The following STK32C variants were observed in gnomAD, a reference collection of about 807,000 sequenced individuals.
STK32C encodes the protein serine/threonine kinase 32C.
A neutral mutation model predicts 56.5 loss-of-function variants in STK32C; 31 were observed. That is an observed-to-expected ratio of 0.55 (90% CI 0.41 to 0.74). The LOEUF is 0.74. STK32C is among the 30% of genes least tolerant of loss of function. The probability of loss-of-function intolerance (pLI) is 0.00; values close to 1 mark genes in which losing one functional copy is unlikely to be tolerated. For missense variants in STK32C, 544 were observed against 676.9 expected (o/e 0.80, Z 2.18); for synonymous variants, 309 against 289.4 (o/e 1.07, Z -0.69).
intron 1 of STK32C, among the ~76,000 whole-genome samples, chr10:132,250,823 G>A (rs1275684391): frequency 6.6e-6 from 1 of 152,228 alleles, no homozygotes. Context: ...CTGGTCCCCA[G>A]AGAGGAGGAA....
intron 1 of STK32C, among the ~76,000 whole-genome samples, chr10:132,261,486 C>T (rs1002108858): frequency 5.9e-5 from 9 of 152,130 alleles, no homozygotes; most frequent in African/African-American, 2.2e-4. Context: ...AATCAGGGGC[C>T]GGGCACGGTG....
chr10:132,281,103 A>C (rs2065189130), intron 1 of STK32C, among the ~76,000 whole-genome samples: 1 of 150,440 alleles, frequency 6.6e-6, no homozygotes, highest in Admixed American at 6.6e-5. Flanking sequence ...ACTGCACTCC[A>C]TGATCATGCC....
intron 2 of STK32C, among the ~76,000 whole-genome samples, chr10:132,243,502 A>G (rs557230951): frequency 7.0e-4 from 107 of 152,312 alleles, no homozygotes; most frequent in African/African-American, 2.6e-3. Context: ...CTCCAAGTCT[A>G]GATTCCTCCC....
intron 2 of STK32C, among the ~76,000 whole-genome samples, chr10:132,239,716 A>G (rs1367704705): frequency 6.6e-6 from 1 of 152,218 alleles, no homozygotes; most frequent in African/African-American, 2.4e-5. Context: ...GCTGCTGGAC[A>G]TCGTCAACTT....
intron 2 of STK32C, among the ~76,000 whole-genome samples, chr10:132,243,753 G>A (rs2063588205): frequency 6.6e-6 from 1 of 152,208 alleles, no homozygotes; most frequent in Non-Finnish European, 1.5e-5. Context: ...CCTGGTGGTA[G>A]AGCAGCTGCA....
rs532276466 is a variant in STK32C, at chr10:132,330,548, C to T, written c.301+888G>A. 14 of 715,334 alleles carry T rather than the reference C, an allele frequency of 2.0e-5. No individual in the cohort carries two copies. The Admixed American group carries it at 2.4e-4, about 12-fold the overall frequency. The allele number at this position is 715,334 out of a possible 1,614,324, so 44.3% of individuals were successfully genotyped here. On this transcript the variant is annotated intron_variant, in intron 1 of 1. Coordinates refer to the STK32C transcript ENST00000368619. ...TTTTTGAGACAGGGTCTCGCTGTCA[C>T]CGAAGCTGACATTAAGTGGCACAAT...
rs750816953 is a variant in STK32C, at chr10:132,228,217, C to T, written c.319-89G>A. Reference sequence around the variant, plus strand: ...GGAAATGCATGGGGATGCCTGGGGACGCATCGTCAGGACACAAGGGGACAC... The same window carrying T: ...GGAAATGCATGGGGATGCCTGGGGATGCATCGTCAGGACACAAGGGGACAC... On this transcript the variant is annotated intron_variant, in intron 2 of 11. Transcript: ENST00000298630. 3.8e-5 allele frequency: 60 copies of T among 1,578,458 alleles called. 2 individuals are homozygous for T. The highest frequency in any genetic ancestry group is 2.2e-4 in the South Asian group (20 of 90,108).
At chr10:132,293,935 G>A (rs1021390375) in intron 1 of STK32C, among the ~76,000 whole-genome samples, 5 of 152,124 alleles carry the variant, frequency 3.3e-5, no homozygotes, top group African/African-American at 9.7e-5. Context: ...TCACAGGCAC[G>A]AGGGAAGGGG....
At chr10:132,285,066 G>A (rs112508126) in intron 1 of STK32C, among the ~76,000 whole-genome samples, 7 of 123,544 alleles carry the variant, frequency 5.7e-5, no homozygotes, top group Admixed American at 8.2e-5. Flanking sequence ...ACATTCCCAC[G>A]TCTGCCCAAA....
In STK32C at chr10:132,220,539, A is replaced by C. The variant is rs76178517; in HGVS notation, c.1251+2102T>G. ...GTCCTCACATAGCAGAGGATCAAAG[A>C]CTCAAAAGAGGACTAAAGTCACCCT... On this transcript the variant is annotated intron_variant, in intron 10 of 11. Transcript: ENST00000298630. Among the ~76,000 whole-genome samples, 7 of 152,350 alleles carry C rather than the reference A, an allele frequency of 4.6e-5. No individual in the cohort carries two copies. The East Asian group carries it at 1.2e-3, about 25-fold the overall frequency.
In STK32C at chr10:132,254,646, GCGCCGGGAA is replaced by G; in HGVS notation, c.263-8700_263-8692del. ...GAGAGTAAAATAAGCCTGCCGCAGGGCGCCGGGAATCAGCACTATGTCACCCCGGCACAA... is the reference window on the plus strand; with the variant it reads ...GAGAGTAAAATAAGCCTGCCGCAGGGTCAGCACTATGTCACCCCGGCACAA... On this transcript the variant is annotated intron_variant, in intron 1 of 11. Coordinates refer to ENST00000298630, the MANE Select transcript of STK32C (RefSeq NM_173575.4). Among the ~76,000 whole-genome samples the G allele has an allele frequency of 4.1e-5, 2 of 48,868 alleles. 1 individual carries two copies. The highest frequency in any genetic ancestry group is 3.4e-4 in the African/African-American group (2 of 5,800). The allele number at this position is 48,868 out of a possible 152,430, so 32.1% of individuals were successfully genotyped here. A position where few individuals can be genotyped will look rare whatever the true frequency, so the allele number is the denominator to read the frequency against.
intron 1 of STK32C, among the ~76,000 whole-genome samples, chr10:132,326,114 C>CG (rs1454409059): frequency 6.6e-6 from 1 of 152,132 alleles, no homozygotes; most frequent in African/African-American, 2.4e-5. Flanking sequence ...TCTTCAGGAT[C>CG]GGGGAGGCCT....
chr10:132,310,881 A>G (rs1353216912), upstream of STK32C, among the ~76,000 whole-genome samples: 1 of 152,148 alleles, frequency 6.6e-6, no homozygotes, highest in Non-Finnish European at 1.5e-5. This position sits in a 1 kb window ranked among gnomAD's most constrained non-coding sequence, Gnocchi z 4.6. Context: ...ATGAACGAGT[A>G]GCCCAAGGGA....
At chr10:132,275,992 A>G (rs1323240408) in intron 1 of STK32C, among the ~76,000 whole-genome samples, 1 of 152,096 alleles carries the variant, frequency 6.6e-6, no homozygotes, top group Non-Finnish European at 1.5e-5. Context: ...GAACGGTCAC[A>G]GTGAAGGCCC....
intron 8 of STK32C, among the ~76,000 whole-genome samples, chr10:132,223,486 C>T (rs773835437): frequency 1.3e-5 from 2 of 152,242 alleles, no homozygotes; most frequent in Non-Finnish European, 2.9e-5. Flanking sequence ...ACCCAGACCC[C>T]GTGCGAGGTT....
intron 1 of STK32C, among the ~76,000 whole-genome samples, chr10:132,326,243 T>A (rs1166069854): frequency 6.6e-6 from 1 of 152,220 alleles, no homozygotes; most frequent in African/African-American, 2.4e-5. Context: ...GGGGTAATTA[T>A]CTTGATTTCC....
At chr10:132,325,659 A>C (rs1411744291) in intron 1 of STK32C, among the ~76,000 whole-genome samples, 1 of 151,664 alleles carries the variant, frequency 6.6e-6, no homozygotes, top group African/African-American at 2.4e-5. Flanking sequence ...AGGCTTCCCC[A>C]GCCAGGTGGA....
chr10:132,209,968 G>C (rs1027776649), intron 10 of STK32C, among the ~76,000 whole-genome samples: 1 of 152,230 alleles, frequency 6.6e-6, no homozygotes, highest in Admixed American at 6.5e-5. Flanking sequence ...GGCCCTGGGA[G>C]GGAGGGAGCT....
In STK32C at chr10:132,222,197, G is replaced by A. The variant is rs1456650707; in HGVS notation, c.1251+444C>T. Among the ~76,000 whole-genome samples, 6 of 148,870 alleles carry A rather than the reference G, an allele frequency of 4.0e-5. No individual in the cohort carries two copies. In the East Asian group the frequency reaches 1.2e-3, roughly 30 times the overall value. On this transcript the variant is annotated intron_variant, in intron 10 of 11. Coordinates refer to ENST00000298630, the MANE Select transcript of STK32C (RefSeq NM_173575.4). ...ACACAACCAAAGCCAGCACACCTGG[G>A]CGAGTGTGAGGGCTTCACATGGCCG... is the stretch of plus-strand genomic sequence containing the variant.
Sources: gnomAD v4.1 joint callset for allele counts (sites outside exome capture counted in the v4.1 genomes callset) on GRCh38, gnomAD v4.1.1 for gene constraint, Gnocchi (gnomAD v3.1) non-coding constraint, MANE v1.5 for transcripts, NCBI Gene and HGNC (gene_info 2026-07-23, HGNC 2026-07-21) for gene names.